ST18: variants seen among roughly 807,000 people sequenced by gnomAD.
ST18 encodes suppression of tumorigenicity 18 protein.
In ST18, 50 loss-of-function variants were observed where a neutral mutation model predicts 110.0. That is an observed-to-expected ratio of 0.45 (90% CI 0.36 to 0.58). The LOEUF (loss-of-function observed/expected upper bound fraction) is 0.58, where lower values mean the gene tolerates loss of function less well. Among genes scored for constraint, ST18 ranks in the 20% least tolerant of loss-of-function variants. The pLI, the probability that ST18 is intolerant of heterozygous loss-of-function variation, is 0.00. For synonymous variants in ST18, 461 were observed against 452.4 expected (o/e 1.02, Z -0.24); for missense variants, 1,306 against 1,280.1 (o/e 1.02, Z -0.31).
intron 2 of ST18, among the ~76,000 whole-genome samples, chr8:52,231,860 C>T (rs2091481849): frequency 6.6e-6 from 1 of 152,206 alleles, no homozygotes; most frequent in African/African-American, 2.4e-5. Flanking sequence ...CCATGGACTG[C>T]ACTGAACAGC....
At chr8:52,207,987 A>T (rs1484615836) in intron 8 of ST18, among the ~76,000 whole-genome samples, 1 of 152,228 alleles carries the variant, frequency 6.6e-6, no homozygotes, top group East Asian at 1.9e-4. Flanking sequence ...AGTCTTCTCG[A>T]CACCACCTGT....
rs143852980 is a variant in ST18, at chr8:52,311,849, G to T, written c.-464-81772C>A. On this transcript the variant is annotated intron_variant, in intron 2 of 25. Transcript: ENST00000689386. ...GGATTAGGGGACTTTGGGGATGACA[G>T]TTCAACATGAGATTTGGGTGGAGAC... Among the ~76,000 whole-genome samples the T allele has an allele frequency of 5.9e-3, 902 of 152,300 alleles. 5 individuals are homozygous for T. Among genetic ancestry groups the T allele is most frequent in the African/African-American group, 0.021 (854 of 41,568 alleles).
chr8:52,369,331 A>G (rs1829377957), intron 2 of ST18, among the ~76,000 whole-genome samples: 1 of 152,194 alleles, frequency 6.6e-6, no homozygotes, highest in Admixed American at 6.5e-5. Context: ...CAAAGGGAAA[A>G]GCGTGGAAGT....
At chr8:52,223,179 C>T (rs1339686402) in intron 3 of ST18, among the ~76,000 whole-genome samples, 4 of 152,092 alleles carry the variant, frequency 2.6e-5, no homozygotes, top group African/African-American at 9.7e-5. Flanking sequence ...GAGTACTGCG[C>T]CTGAGAAAGA....
intron 16 of ST18, among the ~76,000 whole-genome samples, chr8:52,145,177 T>C (rs1251223053): frequency 6.6e-6 from 1 of 152,116 alleles, no homozygotes; most frequent in Admixed American, 6.5e-5. Flanking sequence ...CACAAGTTTC[T>C]AGCTGTTGTT....
At chr8:52,307,061 G>A (rs2095825471) in intron 2 of ST18, among the ~76,000 whole-genome samples, 1 of 152,114 alleles carries the variant, frequency 6.6e-6, no homozygotes, top group Non-Finnish European at 1.5e-5. Flanking sequence ...GCTCACGCCT[G>A]TAACCCCAGC....
At chr8:52,308,216 C>A (rs766297686) in intron 2 of ST18, among the ~76,000 whole-genome samples, 2 of 152,114 alleles carry the variant, frequency 1.3e-5, no homozygotes, top group Non-Finnish European at 2.9e-5. Flanking sequence ...ACAATCAAAC[C>A]AAGGCGAAAA....
chr8:52,202,396 C>T (rs1387970618), intron 8 of ST18, among the ~76,000 whole-genome samples: 1 of 151,972 alleles, frequency 6.6e-6, no homozygotes, highest in Non-Finnish European at 1.5e-5. Flanking sequence ...ATTAAAAAGG[C>T]AGAATTATAT....
intron 9 of ST18, among the ~76,000 whole-genome samples, chr8:52,172,868 G>T (rs1307771700): frequency 6.6e-6 from 1 of 152,090 alleles, no homozygotes; most frequent in Non-Finnish European, 1.5e-5. Context: ...ATGTTAAGAG[G>T]TAAGTACTTC....
intron 2 of ST18, among the ~76,000 whole-genome samples, chr8:52,344,993 T>G (rs1817058735): frequency 6.6e-6 from 1 of 152,164 alleles, no homozygotes; most frequent in Non-Finnish European, 1.5e-5. Context: ...GTCACTGAAT[T>G]TGAGCTTAAG....
intron 19 of ST18, among the ~76,000 whole-genome samples, chr8:52,134,013 G>C (rs1382413307): frequency 6.6e-6 from 1 of 152,214 alleles, no homozygotes; most frequent in Non-Finnish European, 1.5e-5. Flanking sequence ...TTACAGGCGT[G>C]AGCCACTGTG....
At chr8:52,400,462 TTAA>T in intron 2 of ST18, among the ~76,000 whole-genome samples, 1 of 152,252 alleles carries the variant, frequency 6.6e-6, no homozygotes, top group African/African-American at 2.4e-5. Context: ...TGCCATTTTG[TTAA>T]TTGTTTTCGG....
At chr8:52,184,472 C>A (rs2071188941) in intron 8 of ST18, among the ~76,000 whole-genome samples, 1 of 152,082 alleles carries the variant, frequency 6.6e-6, no homozygotes, top group Admixed American at 6.6e-5. Context: ...AACTTGAATT[C>A]TCATTTGAAA....
intron 2 of ST18, among the ~76,000 whole-genome samples, chr8:52,358,626 C>T (rs1590219625): frequency 6.6e-6 from 1 of 151,748 alleles, no homozygotes; most frequent in African/African-American, 2.4e-5. Context: ...TAGAAACACA[C>T]TAACTACCAA....
At chr8:52,333,232 G>GA (rs1196022224) in intron 2 of ST18, among the ~76,000 whole-genome samples, 1 of 151,910 alleles carries the variant, frequency 6.6e-6, no homozygotes, top group East Asian at 1.9e-4. Context: ...TTTCTCAAGG[G>GA]AAAGTTTTCT....
At chr8:52,228,087 C>T (rs1229260124) in intron 3 of ST18, among the ~76,000 whole-genome samples, 1 of 152,112 alleles carries the variant, frequency 6.6e-6, no homozygotes, top group African/African-American at 2.4e-5. Context: ...TGTTTGATTG[C>T]TATGCCAGTT....
At chr8:52,193,194 A>G (rs1370066675) in intron 8 of ST18, among the ~76,000 whole-genome samples, 1 of 152,212 alleles carries the variant, frequency 6.6e-6, no homozygotes, top group Non-Finnish European at 1.5e-5. Flanking sequence ...AAGTATAGGT[A>G]GATAATGAAG....
At chr8:52,369,429 C>T (rs1369832149) in intron 2 of ST18, among the ~76,000 whole-genome samples, 1 of 152,170 alleles carries the variant, frequency 6.6e-6, no homozygotes, top group African/African-American at 2.4e-5. Context: ...ACGTGGTAAG[C>T]CATCTGGTAC....
chr8:52,389,748 G>T (rs1838601118), intron 2 of ST18, among the ~76,000 whole-genome samples: 1 of 152,180 alleles, frequency 6.6e-6, no homozygotes, highest in Non-Finnish European at 1.5e-5. Context: ...TTCCTGCGTC[G>T]TGCAGGTCCC....
Sources: allele counts gnomAD v4.1 joint callset (sites outside exome capture counted in the v4.1 genomes callset), GRCh38; gene constraint gnomAD v4.1.1; transcripts MANE v1.5; gene names NCBI Gene and HGNC (gene_info 2026-07-23, HGNC 2026-07-21).